The following EMC3 variants were observed in gnomAD, a reference collection of about 807,000 sequenced individuals.
The protein encoded by EMC3 is 30 kDa protein.
In EMC3, 13 loss-of-function variants were observed where a neutral mutation model predicts 36.6. The observed-to-expected ratio is 0.35, with a 90% CI of 0.23 to 0.56. The LOEUF is 0.56. Ranked by LOEUF, EMC3 falls within the 20% of genes least tolerant of loss-of-function variation. The pLI is 0.84. For missense variants in EMC3, 220 were observed against 324.5 expected (o/e 0.68, Z 2.47); for synonymous variants, 120 against 111.9 (o/e 1.07, Z -0.46).
chr3:10,010,822 T>A (rs1202512871), intron 1 of EMC3: 1 of 152,244 alleles, frequency 6.6e-6, no homozygotes, highest in Non-Finnish European at 1.5e-5. Flanking sequence ...CACTGCGCCT[T>A]GAGGAGCCTC....
intron 1 of EMC3, 77 bp from the exon 2 acceptor site, chr3:9,977,523 C>G: frequency 3.0e-6 from 4 of 1,336,052 alleles, no homozygotes; most frequent in Non-Finnish European, 4.2e-6. Context: ...AGTAGAAGAC[C>G]TATTTAAACA....
intron 2 of EMC3, 135 bp downstream of exon 2, chr3:9,977,254 C>A: frequency 1.1e-6 from 1 of 897,048 alleles, no homozygotes; most frequent in Non-Finnish European, 1.7e-6. Flanking sequence ...ACCATGAGAG[C>A]AAACACCACC....
In EMC3 at chr3:9,974,391, A is replaced by G; in HGVS notation, c.405T>C (p.Phe135=). The G allele has an allele frequency of 6.2e-7, 1 of 1,612,228 alleles. No homozygotes were observed. Among genetic ancestry groups the G allele is most frequent in the Non-Finnish European group, 8.5e-7 (1 of 1,178,246 alleles). ...GGWINMTFSG[F]VTTKVPFPLT... ...GCTGGGTCTGTAACTTACTTGTGAC[A>G]AAGCCTGAGAATGTCATGTTGATCC... Residue 135 remains phenylalanine (F), a synonymous_variant, in exon 4 of 8, where the codon TTT becomes TTC. Transcript: ENST00000245046.
chr3:9,987,743 G>A, upstream of EMC3: 2 of 434,684 alleles, frequency 4.6e-6, no homozygotes, highest in Admixed American at 3.5e-5. Flanking sequence ...GACATTCTAC[G>A]ACATTGCATT....
At chr3:10,002,876 C>G (rs1267524923) in intron 1 of EMC3, 2 of 454,690 alleles carry the variant, frequency 4.4e-6, no homozygotes, top group Non-Finnish European at 8.8e-6. Context: ...CAACAAGGCC[C>G]CCAGCATGAC....
intron 1 of EMC3, among the ~76,000 whole-genome samples, chr3:9,983,507 T>C (rs1312121975): frequency 6.6e-6 from 1 of 152,048 alleles, no homozygotes; most frequent in East Asian, 1.9e-4. Context: ...ACCCTGTCTC[T>C]ACTAAAATAC....
chr3:9,988,280 C>A, upstream of EMC3: 1 of 666,182 alleles, frequency 1.5e-6, no homozygotes, highest in Non-Finnish European at 2.8e-6. Flanking sequence ...TCATTTACTC[C>A]AGGGTACATG....
chr3:9,979,762 G>C (rs1011740463), intron 1 of EMC3, among the ~76,000 whole-genome samples: 2 of 152,186 alleles, frequency 1.3e-5, no homozygotes, highest in Non-Finnish European at 2.9e-5. Flanking sequence ...ATGGAGTCTG[G>C]AAAGTCAAGG....
At chr3:9,980,431 T>A (rs903095842) in intron 1 of EMC3, among the ~76,000 whole-genome samples, 3 of 151,436 alleles carry the variant, frequency 2.0e-5, no homozygotes, top group Non-Finnish European at 4.4e-5. Context: ...AGTGGTACAA[T>A]CTTGGCTCAT....
At chr3:9,970,221 G>C (rs1265073456) in intron 6 of EMC3, among the ~76,000 whole-genome samples, 3 of 152,156 alleles carry the variant, frequency 2.0e-5, no homozygotes, top group Non-Finnish European at 4.4e-5. Context: ...TGAGGTCCCA[G>C]CCAGTAAACA....
At chr3:9,978,622 G>C (rs910846333) in intron 1 of EMC3, among the ~76,000 whole-genome samples, 1 of 152,118 alleles carries the variant, frequency 6.6e-6, no homozygotes, top group Non-Finnish European at 1.5e-5. Context: ...ACGAGGTCAG[G>C]AGTTTGAGAC....
At chr3:9,990,153 T>C (rs1201418158), upstream of EMC3, among the ~76,000 whole-genome samples, 2 of 151,150 alleles carry the variant, frequency 1.3e-5, no homozygotes, top group Non-Finnish European at 2.9e-5. Context: ...GCCTCCCGAG[T>C]AGCTGGGACT....
At chr3:9,989,453 C>T (rs1333519219), upstream of EMC3, among the ~76,000 whole-genome samples, 5 of 152,192 alleles carry the variant, frequency 3.3e-5, no homozygotes, top group Non-Finnish European at 7.3e-5. Context: ...GCCTGGGCGA[C>T]AGTGCAAGAC....
upstream of EMC3, chr3:9,988,072 C>G (rs1575688638): frequency 5.0e-6 from 3 of 602,090 alleles, no homozygotes; most frequent in East Asian, 9.2e-5. Context: ...CTCTGACATC[C>G]CACAGTCAGA....
chr3:9,998,406 A>AATAATAATAATAATT (rs757919421), intron 1 of EMC3, among the ~76,000 whole-genome samples: 24 of 143,750 alleles, frequency 1.7e-4, no homozygotes, highest in Middle Eastern at 7.3e-3. Flanking sequence ...TAATAATAAT[A>AATAATAATAATAATT]ATTTTGCTTT....
chr3:9,986,940 G>T, upstream of EMC3: 1 of 1,212,142 alleles, frequency 8.2e-7, no homozygotes, highest in Non-Finnish European at 1.0e-6. Context: ...GGTGGCCCAG[G>T]CTCGGTGGCT....
At chr3:10,008,328 C>G in intron 1 of EMC3, 2 of 1,190,770 alleles carry the variant, frequency 1.7e-6, no homozygotes, top group South Asian at 2.5e-5. Context: ...TGGGCTGGGT[C>G]AAGGGACTAT....
intron 1 of EMC3, among the ~76,000 whole-genome samples, chr3:9,993,480 T>A (rs1414457732): frequency 6.6e-6 from 1 of 152,216 alleles, no homozygotes; most frequent in Non-Finnish European, 1.5e-5. Context: ...AATACCTCAT[T>A]GGATCTTACA....
rs1448350735 is a variant in EMC3 at position 9,963,450 on chromosome 3, G to GATATAT, written c.*618_*619insATATAT. On this transcript the variant is annotated 3_prime_UTR_variant, in exon 8 of 8. Transcript: ENST00000245046. Reference sequence around the variant, plus strand: ...CCTTCGAAGACTGGGCTTCTGCTAAGATAGATATATATATATATATATATA... The same window carrying GATATAT: ...CCTTCGAAGACTGGGCTTCTGCTAAGATATATATAGATATATATATATATATATATA... 2.1e-3 allele frequency: 163 copies of GATATAT among 77,582 alleles called. No homozygotes were observed. The highest frequency in any genetic ancestry group is 9.8e-3 in the African/African-American group (143 of 14,558). The allele number at this position is 77,582 out of a possible 1,614,324, so 4.8% of individuals were successfully genotyped here. A position where few individuals can be genotyped will look rare whatever the true frequency, so the allele number is the denominator to read the frequency against.
Sources: gnomAD v4.1 joint callset for allele counts (sites outside exome capture counted in the v4.1 genomes callset) on GRCh38, gnomAD v4.1.1 for gene constraint, MANE v1.5 for transcripts, NCBI Gene and HGNC (gene_info 2026-07-23, HGNC 2026-07-21) for gene names.